The following ZNF254 variants were observed in gnomAD, a reference collection of about 807,000 sequenced individuals.
ZNF254 encodes zinc finger protein 254, also known as CTD-2017D11.1.
ZNF254 carries 10 observed loss-of-function variants against 12.4 expected under a neutral mutation model. The observed-to-expected ratio is 0.80, with a 90% CI of 0.50 to 1.36. The LOEUF (loss-of-function observed/expected upper bound fraction) is 1.36, where lower values mean the gene tolerates loss of function less well. Among genes scored for constraint, ZNF254 ranks in the 40% most tolerant of loss-of-function variants. ZNF254 has a pLI of 0.00. For missense variants in ZNF254, 996 were observed against 763.9 expected, an observed-to-expected ratio of 1.30 and a Z score of -3.58; for synonymous variants, 305 against 253.4, an observed-to-expected ratio of 1.20 and a Z score of -1.93.
At chr19:24,108,438 T>C (rs1217792805) in intron 3 of ZNF254, among the ~76,000 whole-genome samples, 3 of 152,338 alleles carry the variant, frequency 2.0e-5, no homozygotes, top group South Asian at 4.1e-4. Context: ...AGGGTTACCT[T>C]CAGTCTTGGG....
chr19:24,099,439 C>G (rs1177333189), intron 1 of ZNF254, among the ~76,000 whole-genome samples: 1 of 152,174 alleles, frequency 6.6e-6, no homozygotes, highest in Admixed American at 6.5e-5. Context: ...GAAGAGGACA[C>G]TGGCCACCAG....
chr19:24,042,380 C>T (rs1163132213), intron 1 of ZNF254, among the ~76,000 whole-genome samples: 1 of 152,184 alleles, frequency 6.6e-6, no homozygotes, highest in Non-Finnish European at 1.5e-5. Context: ...CCCGAGCCAG[C>T]ATTGGCAACC....
At chr19:24,087,107 C>T, upstream of ZNF254, 1 of 575,272 alleles carries the variant, frequency 1.7e-6, no homozygotes, top group South Asian at 1.8e-5. Flanking sequence ...AAACGTTATC[C>T]AACTAGGGAC....
chr19:24,065,586 G>A (rs1375016366), intron 2 of ZNF254: 3 of 152,170 alleles, frequency 2.0e-5, no homozygotes, highest in Non-Finnish European at 2.9e-5. Flanking sequence ...GGGTGTGATT[G>A]TTACATATGC....
At chr19:24,038,119 T>G (rs2145176243) in intron 1 of ZNF254, among the ~76,000 whole-genome samples, 1 of 152,332 alleles carries the variant, frequency 6.6e-6, no homozygotes, top group African/African-American at 2.4e-5. Context: ...AAATAGGCTT[T>G]TTGTCAGTAT....
chr19:24,092,451 G>T (rs533194080), intron 1 of ZNF254, among the ~76,000 whole-genome samples: 1 of 152,208 alleles, frequency 6.6e-6, no homozygotes, highest in African/African-American at 2.4e-5. Context: ...GGGATTACAG[G>T]TGTGAGCCAT....
intron 1 of ZNF254, among the ~76,000 whole-genome samples, chr19:24,039,602 T>C (rs1320683478): frequency 2.0e-5 from 3 of 152,110 alleles, no homozygotes; most frequent in African/African-American, 4.8e-5. Flanking sequence ...GAAGAACAAG[T>C]AGGAGGTCTG....
chr19:24,098,439 G>A (rs1487848725), intron 1 of ZNF254: 3 of 152,174 alleles, frequency 2.0e-5, no homozygotes, highest in African/African-American at 7.2e-5. Flanking sequence ...AGGTACTGGT[G>A]TAAGTTGTCA....
intron 2 of ZNF254, among the ~76,000 whole-genome samples, chr19:24,071,593 C>G (rs1363539014): frequency 6.6e-6 from 1 of 152,216 alleles, no homozygotes; most frequent in Non-Finnish European, 1.5e-5. Flanking sequence ...TTTAGGTAGA[C>G]TGCTGCATGG....
intron 2 of ZNF254, among the ~76,000 whole-genome samples, chr19:24,067,299 TG>T (rs1195361064): frequency 6.6e-6 from 1 of 152,004 alleles, no homozygotes; most frequent in Admixed American, 6.6e-5. Flanking sequence ...AGTGACTTAT[TG>T]TTGGGCCCAG....
upstream of ZNF254, among the ~76,000 whole-genome samples, chr19:24,082,706 T>C (rs1599664529): frequency 6.8e-6 from 1 of 147,488 alleles, no homozygotes; most frequent in Non-Finnish European, 1.5e-5. Flanking sequence ...CATTACAAAA[T>C]GTATAAAAGC....
chr19:24,118,798 C>T (rs539605113), intron 3 of ZNF254, among the ~76,000 whole-genome samples: 142 of 152,076 alleles, frequency 9.3e-4, no homozygotes, highest in African/African-American at 3.3e-3. Flanking sequence ...TGTGTTTCCC[C>T]TATATATTTT....
At chr19:24,105,762 C>A (rs1407124990) in intron 1 of ZNF254, 178 bp from the exon 2 acceptor site, 3 of 1,043,938 alleles carry the variant, frequency 2.9e-6, no homozygotes, top group Non-Finnish European at 3.9e-6. Flanking sequence ...ACTCTATTTT[C>A]TCAGAGTTAG....
At chr19:24,051,554 G>A (rs1393020569) in intron 2 of ZNF254, among the ~76,000 whole-genome samples, 1 of 152,124 alleles carries the variant, frequency 6.6e-6, no homozygotes, top group African/African-American at 2.4e-5. Flanking sequence ...TTTCATCTCT[G>A]CACAAAAAGG....
chr19:24,125,512 TA>T (rs1974774129), intron 3 of ZNF254, among the ~76,000 whole-genome samples: 1 of 152,098 alleles, frequency 6.6e-6, no homozygotes, highest in Non-Finnish European at 1.5e-5. Flanking sequence ...ATTTAGACAT[TA>T]AAAAAAGCTA....
chr19:24,120,418 A>AT (rs34022682), intron 3 of ZNF254, among the ~76,000 whole-genome samples: 1 of 151,972 alleles, frequency 6.6e-6, no homozygotes, highest in Non-Finnish European at 1.5e-5. Flanking sequence ...ATACCTCTGT[A>AT]TTTTTCAGTT....
At chr19:24,085,840 C>G (rs1972019073), upstream of ZNF254, among the ~76,000 whole-genome samples, 1 of 151,996 alleles carries the variant, frequency 6.6e-6, no homozygotes, top group African/African-American at 2.4e-5. Context: ...AACATTTTGT[C>G]TACTTTGAAA....
At chr19:24,040,838 G>C (rs1970127700) in intron 1 of ZNF254, among the ~76,000 whole-genome samples, 1 of 152,186 alleles carries the variant, frequency 6.6e-6, no homozygotes, top group Non-Finnish European at 1.5e-5. Context: ...GTGACTTGTG[G>C]TCTTCACTGT....
chr19:24,111,348 A>G (rs1370089603), intron 3 of ZNF254, among the ~76,000 whole-genome samples: 5 of 152,104 alleles, frequency 3.3e-5, no homozygotes, highest in Non-Finnish European at 7.4e-5. Context: ...AATCCAGTGT[A>G]TCATTGTTGG....
Sources: gnomAD v4.1 joint callset for allele counts (sites outside exome capture counted in the v4.1 genomes callset) on GRCh38, gnomAD v4.1.1 for gene constraint, MANE v1.5 for transcripts, NCBI Gene and HGNC (gene_info 2026-07-23, HGNC 2026-07-21) for gene names.